Variants in SMG6 observed in about 807,000 individuals in gnomAD.
SMG6 encodes the protein SMG6 nonsense mediated mRNA decay factor.
Under a neutral mutation model 142.2 loss-of-function variants are expected in SMG6, and 66 were observed. That is an observed-to-expected ratio of 0.46 (90% CI 0.38 to 0.57). The LOEUF is 0.57. SMG6 is among the 20% of genes least tolerant of loss of function. The pLI, the probability that SMG6 is intolerant of heterozygous loss-of-function variation, is 0.00. For synonymous variants in SMG6, 779 were observed against 702.4 expected (o/e 1.11, Z -1.72); for missense variants, 1,793 against 1,832.0 (o/e 0.98, Z 0.39).
chr17:2,240,579 G>A (rs1174985152), intron 9 of SMG6, among the ~76,000 whole-genome samples: 1 of 152,134 alleles, frequency 6.6e-6, no homozygotes, highest in Non-Finnish European at 1.5e-5. Flanking sequence ...GTTGAAGCCC[G>A]CAGCAGCTCT....
intron 13 of SMG6, among the ~76,000 whole-genome samples, chr17:2,137,754 G>C (rs2070351489): frequency 6.6e-6 from 1 of 152,184 alleles, no homozygotes; most frequent in Admixed American, 6.5e-5. Flanking sequence ...CTCTGATTCA[G>C]TCAGCCCACC....
At chr17:2,242,508 C>T (rs1271584335) in intron 9 of SMG6, among the ~76,000 whole-genome samples, 7 of 150,160 alleles carry the variant, frequency 4.7e-5, no homozygotes, top group African/African-American at 1.2e-4. Flanking sequence ...CCAGCCTGGG[C>T]GACAGAGCGA....
chr17:2,122,022 C>CG (rs2069717880), intron 13 of SMG6, among the ~76,000 whole-genome samples: 1 of 151,890 alleles, frequency 6.6e-6, no homozygotes, highest in African/African-American at 2.4e-5. Flanking sequence ...TTAGTAGAGA[C>CG]GGGGTTTCAC....
intron 10 of SMG6, among the ~76,000 whole-genome samples, chr17:2,209,951 G>A (rs891436959): frequency 6.6e-6 from 1 of 151,898 alleles, no homozygotes; most frequent in East Asian, 1.9e-4. Context: ...GGCCTTCACT[G>A]AGACCTTCAC....
chr17:2,205,129 C>A (rs1325196858), intron 10 of SMG6, among the ~76,000 whole-genome samples: 1 of 151,946 alleles, frequency 6.6e-6, no homozygotes, highest in South Asian at 2.1e-4. Context: ...AGTGCAATGG[C>A]GCGATCTCAG....
intron 1 of SMG6, among the ~76,000 whole-genome samples, chr17:2,302,356 C>A (rs1421350316): frequency 2.0e-5 from 3 of 152,178 alleles, no homozygotes; most frequent in Admixed American, 6.5e-5. Context: ...TCCTGGCCAA[C>A]ACGGAGAAAC....
chr17:2,243,307 G>A (rs1385510425), intron 9 of SMG6, among the ~76,000 whole-genome samples: 2 of 152,212 alleles, frequency 1.3e-5, no homozygotes, highest in African/African-American at 4.8e-5. Context: ...GTTTCTTCCA[G>A]TGGAACCAAG....
intron 13 of SMG6, among the ~76,000 whole-genome samples, chr17:2,138,077 T>C (rs954988162): frequency 4.6e-5 from 7 of 151,952 alleles, no homozygotes; most frequent in African/African-American, 1.5e-4. Context: ...GGCCCAGAAC[T>C]GTGTCCACAC....
chr17:2,247,727 G>T (rs949489976), intron 8 of SMG6, among the ~76,000 whole-genome samples: 1 of 152,118 alleles, frequency 6.6e-6, no homozygotes, highest in African/African-American at 2.4e-5. Flanking sequence ...AGACTGCAGT[G>T]AGCCATGATT....
intron 10 of SMG6, among the ~76,000 whole-genome samples, chr17:2,222,471 G>A (rs1444681239): frequency 6.8e-6 from 1 of 147,772 alleles, no homozygotes; most frequent in Non-Finnish European, 1.5e-5. Context: ...TTGCAAGAAG[G>A]GTAGTGTGGC....
chr17:2,061,467 G>GGT lies in SMG6; in HGVS notation c.*24_*25insAC. Reference sequence around the variant, plus strand: ...GTGGCCTTTCAGGAACGGTTCCACGGGGGGGGGGCCCCAGTGTGGCTCCCT... The same window carrying GGT: ...GTGGCCTTTCAGGAACGGTTCCACGGGTGGGGGGGGCCCCAGTGTGGCTCCCT... On this transcript the variant is annotated 3_prime_UTR_variant, in exon 19 of 19. Transcript: ENST00000263073. 6.4e-7 allele frequency: 1 copy of GGT among 1,559,670 alleles called. No individual in the cohort carries two copies. The highest frequency in any genetic ancestry group is 8.7e-7 in the Non-Finnish European group (1 of 1,151,430).
At chr17:2,184,100 G>C (rs1435782580) in intron 12 of SMG6, among the ~76,000 whole-genome samples, 1 of 152,048 alleles carries the variant, frequency 6.6e-6, no homozygotes, top group Non-Finnish European at 1.5e-5. Flanking sequence ...GGTGGCTCAC[G>C]CCTGTAATCC....
At chr17:2,252,514 T>C (rs1472524279) in intron 8 of SMG6, among the ~76,000 whole-genome samples, 1 of 152,238 alleles carries the variant, frequency 6.6e-6, no homozygotes, top group Non-Finnish European at 1.5e-5. Flanking sequence ...CAGAGACCGC[T>C]GATCTTAAGA....
intron 16 of SMG6, chr17:2,065,891 C>T (rs1170835240): frequency 1.7e-6 from 1 of 587,228 alleles, no homozygotes; most frequent in African/African-American, 1.9e-5. Context: ...TCTGTCTCTT[C>T]TCCTGGGCCC....
chr17:2,277,367 C>T (rs969340367), intron 8 of SMG6, among the ~76,000 whole-genome samples: 3 of 151,668 alleles, frequency 2.0e-5, no homozygotes, highest in Admixed American at 6.6e-5. Flanking sequence ...GAGGTTTCAC[C>T]GTGTTAGCCA....
At chr17:2,146,813 A>G (rs1443671935) in intron 13 of SMG6, among the ~76,000 whole-genome samples, 2 of 152,170 alleles carry the variant, frequency 1.3e-5, no homozygotes, top group East Asian at 3.9e-4. Flanking sequence ...TGAGCCACTC[A>G]CCTCAGCCTC....
At chr17:2,208,558 G>T (rs912748018) in intron 10 of SMG6, among the ~76,000 whole-genome samples, 1 of 152,174 alleles carries the variant, frequency 6.6e-6, no homozygotes, top group East Asian at 1.9e-4. Context: ...ACATGGTGCT[G>T]AACCAATTCG....
chr17:2,234,371 C>T (rs918114833), intron 10 of SMG6, among the ~76,000 whole-genome samples: 75 of 151,152 alleles, frequency 5.0e-4, no homozygotes, highest in Non-Finnish European at 4.7e-4. Context: ...AAGCAATTCT[C>T]CTGCCTCAGC....
chr17:2,099,932 C>T (rs1168261412), intron 13 of SMG6, among the ~76,000 whole-genome samples: 4 of 152,022 alleles, frequency 2.6e-5, no homozygotes, highest in Admixed American at 2.0e-4. Context: ...GTGAGATTTC[C>T]GCTCACTGCA....
Sources: gnomAD v4.1 joint callset for allele counts (sites outside exome capture counted in the v4.1 genomes callset) on GRCh38, gnomAD v4.1.1 for gene constraint, MANE v1.5 for transcripts, NCBI Gene and HGNC (gene_info 2026-07-23, HGNC 2026-07-21) for gene names.